Variants in RBM19 observed in about 807,000 individuals in gnomAD.
RBM19 encodes RNA binding motif protein 19, also known as probable RNA-binding protein 19.
In RBM19, 94 loss-of-function variants were observed where a neutral mutation model predicts 116.8. The observed-to-expected ratio is 0.80, with a 90% CI of 0.68 to 0.95. RBM19 has a LOEUF of 0.95. Ranked by LOEUF, RBM19 falls within the 40% of genes least tolerant of loss-of-function variation. The pLI, the probability that RBM19 is intolerant of heterozygous loss-of-function variation, is 0.00. For missense variants in RBM19, 1,161 were observed against 1,220.7 expected, an observed-to-expected ratio of 0.95 and a Z score of 0.73; for synonymous variants, 475 against 494.1, an observed-to-expected ratio of 0.96 and a Z score of 0.51.
rs536268455 is a variant in RBM19, at chr12:113,835,993, T to A, written c.2785+8675A>T. 1.1e-4 allele frequency among the ~76,000 whole-genome samples: 17 copies of A among 152,338 alleles called. No homozygotes were observed. The South Asian group carries it at 3.3e-3, about 30-fold the overall frequency. On this transcript the variant is annotated intron_variant, in intron 23 of 23. Transcript: ENST00000261741. ...ATATTCTCTCGGCTGCGCTCGCAGGTACTGTGGCCTGCCGCGGCCCTGAAA... is the reference window on the plus strand; with the variant it reads ...ATATTCTCTCGGCTGCGCTCGCAGGAACTGTGGCCTGCCGCGGCCCTGAAA...
At chr12:113,947,257 TAC>T (rs369688809) in intron 11 of RBM19, 75 bp downstream of exon 11, 7,304 of 1,316,708 alleles carry the variant, frequency 5.5e-3, no homozygotes, top group South Asian at 9.6e-3. Context: ...TCCACACACA[TAC>T]ACACACACAC....
rs116501705 is a variant in RBM19 at position 113,874,758 on chromosome 12, T to G, written c.2559-15862A>C. ...TTCTAGAGGTTTCTGACACCTGCCA[T>G]GAGGAGGAACACTCCAGAACCCCCA... On this transcript the variant is annotated intron_variant, in intron 21 of 23. Coordinates refer to ENST00000261741, the MANE Select transcript of RBM19 (RefSeq NM_016196.4). Among the ~76,000 whole-genome samples the G allele has an allele frequency of 5.9e-3, 893 of 152,328 alleles. 7 individuals carry two copies. The highest frequency in any genetic ancestry group is 0.017 in the African/African-American group (691 of 41,568).
chr12:113,914,880 C>T (rs748863356), intron 21 of RBM19, 89 bp downstream of exon 21: 1 of 1,141,374 alleles, frequency 8.8e-7, no homozygotes, highest in Non-Finnish European at 1.3e-6. Context: ...GCAACGGAAC[C>T]ATCCAGGACC....
intron 22 of RBM19, among the ~76,000 whole-genome samples, chr12:113,851,778 G>A (rs955889173): frequency 6.6e-6 from 1 of 150,438 alleles, no homozygotes; most frequent in Non-Finnish European, 1.5e-5. Flanking sequence ...GGCTGGGTGC[G>A]GTGGCTCACG....
intron 16 of RBM19, among the ~76,000 whole-genome samples, chr12:113,932,373 C>T (rs1024111894): frequency 1.7e-4 from 26 of 152,326 alleles, no homozygotes; most frequent in Admixed American, 3.9e-4. Flanking sequence ...ACCCACACTG[C>T]CCAGCAGGCC....
chr12:113,884,396 A>T (rs140965123), intron 21 of RBM19, among the ~76,000 whole-genome samples: 1 of 151,380 alleles, frequency 6.6e-6, no homozygotes, highest in East Asian at 1.9e-4. Context: ...CCCCACCTCT[A>T]TTCCTGCAGG....
At chr12:113,929,420 A>G (rs1168233530) in intron 16 of RBM19, among the ~76,000 whole-genome samples, 1 of 139,184 alleles carries the variant, frequency 7.2e-6, no homozygotes, top group African/African-American at 3.4e-5. Context: ...CAGCACAAAA[A>G]GAAGAAATCT....
At chr12:113,858,925 T>C (rs958496160) in intron 21 of RBM19, 29 bp from the exon 22 acceptor site, 9 of 1,605,362 alleles carry the variant, frequency 5.6e-6, no homozygotes, top group Admixed American at 1.7e-5. Context: ...ACATAGGGGT[T>C]TAAGAATAGA....
intron 21 of RBM19, among the ~76,000 whole-genome samples, chr12:113,864,782 GT>G (rs1273113448): frequency 6.6e-6 from 1 of 152,212 alleles, no homozygotes; most frequent in Non-Finnish European, 1.5e-5. Context: ...GTGAGGGCTT[GT>G]CTCAAGCCTG....
chr12:113,874,223 A>G (rs1474955738), intron 21 of RBM19, among the ~76,000 whole-genome samples: 1 of 152,184 alleles, frequency 6.6e-6, no homozygotes, highest in Non-Finnish European at 1.5e-5. Context: ...AACAGTTCCA[A>G]CAGCACCTGG....
At chr12:113,873,102 A>G (rs1593515788) in intron 21 of RBM19, among the ~76,000 whole-genome samples, 10 of 118,980 alleles carry the variant, frequency 8.4e-5, no homozygotes, top group Admixed American at 2.4e-4. Flanking sequence ...CCGGGAGGTG[A>G]GGGGCGCCTC....
rs558001518 is a variant in RBM19, at chr12:113,947,435, C to T, written c.1306G>A (p.Asp436Asn). The T allele has an allele frequency of 1.5e-4, 239 of 1,609,908 alleles. 3 individuals carry two copies. The South Asian group carries it at 2.4e-3, about 16-fold the overall frequency. ...CCCTTGGGTTTCTTGGTCAGGCTGT[C>T]GATGGGGTAGTGGAGCTCAGACAGG... Reference protein sequence around the residue: ...GPLSELHYPIDSLTKKPKGFA... With the variant: ...GPLSELHYPINSLTKKPKGFA... The change falls in exon 11 of 24, where the codon GAC (aspartate) becomes AAC (asparagine). Residue 436 changes from aspartate (D) to asparagine (N), a missense_variant. Physicochemically the swap from Asp to Asn is conservative, Grantham distance 23 (BLOSUM62 1). Coordinates refer to ENST00000261741, the MANE Select transcript of RBM19 (RefSeq NM_016196.4).
chr12:113,864,960 T>G (rs956755956), intron 21 of RBM19, among the ~76,000 whole-genome samples: 6 of 152,170 alleles, frequency 3.9e-5, no homozygotes, highest in African/African-American at 1.4e-4. Flanking sequence ...TCATCACCAT[T>G]CCCACAGTGG....
At chr12:113,836,849 C>A (rs1875951947) in intron 23 of RBM19, among the ~76,000 whole-genome samples, 1 of 128,824 alleles carries the variant, frequency 7.8e-6, no homozygotes. Context: ...CACACGTGTC[C>A]CAAGCAATGC....
chr12:113,880,748 A>G (rs932758192), intron 21 of RBM19, among the ~76,000 whole-genome samples: 7 of 150,982 alleles, frequency 4.6e-5, no homozygotes, highest in Non-Finnish European at 1.0e-4. Context: ...TCACGTGACC[A>G]CTCTCTGATG....
In RBM19 at chr12:113,959,351, C is replaced by A. The variant is rs139517355; in HGVS notation, c.432G>T (p.Ala144=). The A allele has an allele frequency of 6.2e-7, 1 of 1,613,196 alleles. No homozygotes were observed. The highest frequency in any genetic ancestry group is 2.2e-5 in the East Asian group (1 of 44,866). Residue 144 remains alanine (A), a synonymous_variant, in exon 5 of 24, where the codon GCG becomes GCT. Transcript: ENST00000261741. Reference sequence around the variant, plus strand: ...CATCATTCGCCCAAGTGGCTGCCTGCGCCCGCCTCTGATGAACTGACAGAA... The same window carrying A: ...CATCATTCGCCCAAGTGGCTGCCTGAGCCCGCCTCTGATGAACTGACAGAA... The part of the protein sequence containing the change: ...QEFLSVHQRR[A]QAATWANDGL...
At chr12:113,831,666 C>T (rs1029018147) in intron 23 of RBM19, among the ~76,000 whole-genome samples, 6 of 152,226 alleles carry the variant, frequency 3.9e-5, no homozygotes, top group African/African-American at 1.2e-4. Flanking sequence ...GAAATGTTTG[C>T]GGAACACAGA....
intron 23 of RBM19, among the ~76,000 whole-genome samples, chr12:113,824,792 C>A (rs1432227453): frequency 6.6e-6 from 1 of 152,060 alleles, no homozygotes; most frequent in Admixed American, 6.5e-5. Flanking sequence ...AAACATTGAA[C>A]CCGTTTCTCA....
At chr12:113,870,323 C>T (rs1879123669) in intron 21 of RBM19, among the ~76,000 whole-genome samples, 1 of 152,190 alleles carries the variant, frequency 6.6e-6, no homozygotes, top group Non-Finnish European at 1.5e-5. Flanking sequence ...CACTCTGTGC[C>T]CACTCCTTCG....
Sources: gnomAD v4.1 joint callset for allele counts (sites outside exome capture counted in the v4.1 genomes callset) on GRCh38, gnomAD v4.1.1 for gene constraint, MANE v1.5 for transcripts, NCBI Gene and HGNC (gene_info 2026-07-23, HGNC 2026-07-21) for gene names.